Variants in CNTN5 observed in about 807,000 individuals in gnomAD.
CNTN5 encodes contactin 5, also known as contactin-5.
In CNTN5, 77 loss-of-function variants were observed where a neutral mutation model predicts 129.1. The observed-to-expected ratio is 0.60, with a 90% CI of 0.50 to 0.72. CNTN5 has a LOEUF of 0.72. Ranked by LOEUF, CNTN5 falls within the 30% of genes least tolerant of loss-of-function variation. The pLI is 0.00. For missense variants in CNTN5, 1,478 were observed against 1,328.8 expected (o/e 1.11, Z -1.75); for synonymous variants, 509 against 465.6 (o/e 1.09, Z -1.20).
chr11:99,441,337 A>G (rs1943819872), intron 2 of CNTN5, among the ~76,000 whole-genome samples: 1 of 152,120 alleles, frequency 6.6e-6, no homozygotes, highest in South Asian at 2.1e-4. Context: ...AATCTTAACT[A>G]CTTTATACAA....
intron 6 of CNTN5, among the ~76,000 whole-genome samples, chr11:99,864,687 C>T (rs1313254673): frequency 3.9e-5 from 6 of 152,222 alleles, no homozygotes; most frequent in Non-Finnish European, 7.4e-5. Context: ...TTTTAAAAAT[C>T]GACTTCTTTT....
chr11:99,900,157 C>T (rs1035512390), intron 6 of CNTN5, among the ~76,000 whole-genome samples: 1 of 150,928 alleles, frequency 6.6e-6, no homozygotes, highest in African/African-American at 2.4e-5. Flanking sequence ...TTTCAAAGAA[C>T]CAAACTTTTA....
At chr11:100,075,617 C>G (rs992527492) in intron 13 of CNTN5, among the ~76,000 whole-genome samples, 4 of 152,080 alleles carry the variant, frequency 2.6e-5, no homozygotes, top group African/African-American at 9.7e-5. Flanking sequence ...GGAAATCCAC[C>G]AAGGCCTATG....
At chr11:99,318,687 C>A (rs891167032) in intron 1 of CNTN5, among the ~76,000 whole-genome samples, 3 of 152,092 alleles carry the variant, frequency 2.0e-5, no homozygotes, top group African/African-American at 7.2e-5. Flanking sequence ...ACTACTCCCC[C>A]ATGAAGAACC....
intron 21 of CNTN5, among the ~76,000 whole-genome samples, chr11:100,314,241 T>G (rs779113249): frequency 1.2e-4 from 18 of 152,128 alleles, no homozygotes; most frequent in Non-Finnish European, 2.4e-4. Context: ...GTATCAGAAA[T>G]GGTTAAGAGC....
intron 8 of CNTN5, among the ~76,000 whole-genome samples, chr11:99,959,462 A>G (rs561004415): frequency 1.3e-4 from 20 of 152,302 alleles, no homozygotes; most frequent in Non-Finnish European, 2.1e-4. Flanking sequence ...TAGAGATAGT[A>G]TACTGTCCAT....
chr11:99,439,503 T>TTCAACACCAGCC (rs2135140903), intron 2 of CNTN5, among the ~76,000 whole-genome samples: 1 of 151,694 alleles, frequency 6.6e-6, no homozygotes, highest in South Asian at 2.1e-4. Flanking sequence ...AGGTCAGGAG[T>TTCAACACCAGCC]TCAACACCAG....
intron 3 of CNTN5, among the ~76,000 whole-genome samples, chr11:99,645,051 G>A (rs1951902441): frequency 6.6e-6 from 1 of 151,188 alleles, no homozygotes; most frequent in Non-Finnish European, 1.5e-5. Flanking sequence ...TGAATCACAA[G>A]GTCAGGAGTT....
intron 8 of CNTN5, 109 bp from the exon 9 acceptor site, chr11:100,001,925 A>C: frequency 1.3e-6 from 1 of 756,116 alleles, no homozygotes; most frequent in Non-Finnish European, 2.1e-6. Context: ...ACAGTCATCA[A>C]ACAGACATTA....
chr11:99,962,559 G>T (rs990695281), intron 8 of CNTN5, among the ~76,000 whole-genome samples: 2 of 151,438 alleles, frequency 1.3e-5, no homozygotes, highest in African/African-American at 4.9e-5. Flanking sequence ...GTCTATCATT[G>T]TTGGACATTT....
At position 100,286,206 on chromosome 11, in the gene CNTN5, C is replaced by A. The variant is rs1048673790; in HGVS notation, c.2315-11419C>A. Among the ~76,000 whole-genome samples, 46 of 152,264 alleles carry A rather than the reference C, an allele frequency of 3.0e-4. No homozygotes were observed. In the East Asian group the frequency reaches 4.3e-3, roughly 14 times the overall value. ...GGGCGCCCGCCATTGCCCAGGCTTG[C>A]TTAGGTAAACAAAGCAGCAGGGAAG... On this transcript the variant is annotated intron_variant, in intron 18 of 24. Transcript: ENST00000524871.
At chr11:99,219,293 T>C (rs1860283016) in intron 1 of CNTN5, among the ~76,000 whole-genome samples, 1 of 151,734 alleles carries the variant, frequency 6.6e-6, no homozygotes, top group Non-Finnish European at 1.5e-5. Context: ...TATATAAAGG[T>C]AATAAAGCCA....
intron 13 of CNTN5, among the ~76,000 whole-genome samples, chr11:100,139,710 A>G (rs1295478322): frequency 6.6e-6 from 1 of 152,114 alleles, no homozygotes; most frequent in African/African-American, 2.4e-5. Flanking sequence ...CTGAAAATAC[A>G]AAAATTAGCC....
chr11:100,167,203 TTAAAG>T (rs1402447692), intron 13 of CNTN5, among the ~76,000 whole-genome samples: 1 of 151,698 alleles, frequency 6.6e-6, no homozygotes, highest in Non-Finnish European at 1.5e-5. Flanking sequence ...CAAAAAAAAA[TTAAAG>T]TAACAATGTA....
chr11:100,120,257 T>G (rs1173212266), intron 13 of CNTN5, among the ~76,000 whole-genome samples: 1 of 152,012 alleles, frequency 6.6e-6, no homozygotes, highest in African/African-American at 2.4e-5. Flanking sequence ...ATTAAGGATT[T>G]TATACATATT....
At chr11:99,051,506 G>A (rs570742293) in intron 1 of CNTN5, among the ~76,000 whole-genome samples, 1 of 151,998 alleles carries the variant, frequency 6.6e-6, no homozygotes, top group East Asian at 1.9e-4. Context: ...AAATCACCAA[G>A]GGGACTTCCA....
At chr11:99,125,569 A>G (rs1023419516) in intron 1 of CNTN5, among the ~76,000 whole-genome samples, 2 of 151,922 alleles carry the variant, frequency 1.3e-5, no homozygotes, top group African/African-American at 4.8e-5. Context: ...CTCTCTCACC[A>G]CTCCTATTCA....
rs575470739 is a variant in CNTN5, at chr11:100,057,156, C to T, written c.981-4056C>T. ...ATGAATAATAATTATACTGATCATTCAGCTCAAAAAGTTAAAGTATAATAG... is the reference window on the plus strand; with the variant it reads ...ATGAATAATAATTATACTGATCATTTAGCTCAAAAAGTTAAAGTATAATAG... On this transcript the variant is annotated intron_variant, in intron 9 of 24. Transcript: ENST00000524871. Among the ~76,000 whole-genome samples the T allele has an allele frequency of 5.4e-3, 811 of 148,926 alleles. 4 individuals are homozygous for T. The highest frequency in any genetic ancestry group is 8.8e-3 in the Non-Finnish European group (588 of 67,176).
intron 1 of CNTN5, among the ~76,000 whole-genome samples, chr11:99,034,614 T>C (rs890630824): frequency 6.6e-6 from 1 of 151,332 alleles, no homozygotes; most frequent in African/African-American, 2.4e-5. Flanking sequence ...TCGGTGGTGA[T>C]AACCCCTTTA....
Sources: allele counts gnomAD v4.1 joint callset (sites outside exome capture counted in the v4.1 genomes callset), GRCh38; gene constraint gnomAD v4.1.1; transcripts MANE v1.5; gene names NCBI Gene and HGNC (gene_info 2026-07-23, HGNC 2026-07-21).